COL4A3: variants seen among roughly 807,000 people sequenced by gnomAD.
The protein encoded by COL4A3 is collagen type IV alpha 3 chain.
A neutral mutation model predicts 217.4 loss-of-function variants in COL4A3; 135 were observed. The observed-to-expected ratio is 0.62, with a 90% confidence interval of 0.54 to 0.72. The LOEUF is 0.72. COL4A3 is among the 30% of genes least tolerant of loss of function. The probability of loss-of-function intolerance (pLI) is 0.00; values close to 1 mark genes in which losing one functional copy is unlikely to be tolerated. For synonymous variants in COL4A3, 690 were observed against 736.3 expected (o/e 0.94, Z 1.02); for missense variants, 1,868 against 2,119.9 (o/e 0.88, Z 2.33).
chr2:227,264,045 G>A (rs2070748997), intron 21 of COL4A3, 101 bp downstream of exon 21: 2 of 1,414,114 alleles, frequency 1.4e-6, no homozygotes, highest in Non-Finnish European at 2.0e-6. Flanking sequence ...CCATCAGTCT[G>A]TGTGGTTTTT....
In COL4A3 at chr2:227,254,674, T is replaced by C. The variant is rs1216183431; in HGVS notation, c.847T>C (p.Tyr283His). The part of the protein sequence containing the change: ...PGPSGLPGES[Y>H]GSEKGAPGDP... ...AATACAGGGACTGCCTGGAGAATCA[T>C]ATGGATCTGAAAAGGGTGCTCCTGG... is the stretch of plus-strand genomic sequence containing the variant. Residue 283 changes from tyrosine to histidine, a missense_variant, in exon 15 of 52, where the codon TAT becomes CAT. Around this residue, in one of 2 missense-constraint regions of COL4A3, gnomAD observed 1,503 missense variants for 1,786.1 expected, o/e 0.84. Transcript: ENST00000396578. The C allele has an allele frequency of 4.3e-6, 7 of 1,613,138 alleles. No homozygotes were observed. The highest frequency in any genetic ancestry group is 1.1e-5 in the South Asian group (1 of 91,062).
intron 1 of COL4A3, among the ~76,000 whole-genome samples, chr2:227,230,782 A>G (rs940158800): frequency 1.3e-5 from 2 of 152,244 alleles, no homozygotes; most frequent in African/African-American, 4.8e-5. Flanking sequence ...GTCTTGAGCT[A>G]CTGTCATCAC....
At chr2:227,171,515 C>A (rs1225492560) in intron 1 of COL4A3, among the ~76,000 whole-genome samples, 1 of 152,040 alleles carries the variant, frequency 6.6e-6, no homozygotes, top group Non-Finnish European at 1.5e-5. Flanking sequence ...TCCACATGTG[C>A]GTTGTTTTCT....
At chr2:227,243,886 A>C (rs529720775) in intron 3 of COL4A3, among the ~76,000 whole-genome samples, 3 of 152,334 alleles carry the variant, frequency 2.0e-5, no homozygotes, top group African/African-American at 7.2e-5. Context: ...TGGCATTCTC[A>C]TCCACAACTG....
intron 1 of COL4A3, among the ~76,000 whole-genome samples, chr2:227,180,215 C>G (rs1403982790): frequency 6.6e-6 from 1 of 152,256 alleles, no homozygotes; most frequent in East Asian, 1.9e-4. Context: ...CAATCCTTTC[C>G]AAAAAGCAAT....
At chr2:227,226,870 G>A (rs766667245) in intron 1 of COL4A3, among the ~76,000 whole-genome samples, 20 of 152,202 alleles carry the variant, frequency 1.3e-4, no homozygotes, top group African/African-American at 3.1e-4. Context: ...AAAGAGCCAC[G>A]TAGTAAATAT....
chr2:227,312,140 C>A lies in COL4A3; in HGVS notation c.*270C>A. On this transcript the variant is annotated 3_prime_UTR_variant, in exon 52 of 52. Coordinates refer to ENST00000396578, the MANE Select transcript of COL4A3 (RefSeq NM_000091.5). The stretch of plus-strand genomic sequence containing the variant: ...ACCAAAAACCTATTCCACTTACATC[C>A]AAGGCACTGTCACTACGGTGATTGT... The A allele has an allele frequency of 2.2e-6, 1 of 444,538 alleles. No individual in the cohort carries two copies. Among genetic ancestry groups the A allele is most frequent in the Non-Finnish European group, 4.1e-6 (1 of 241,452 alleles). 27.5% of individuals were successfully genotyped at this position (444,538 alleles called of 1,614,324 possible).
chr2:227,310,418 G>T (rs1354837587), intron 50 of COL4A3, among the ~76,000 whole-genome samples: 1 of 152,212 alleles, frequency 6.6e-6, no homozygotes, highest in African/African-American at 2.4e-5. Flanking sequence ...CAGGGTTCAA[G>T]CAATTCTCTT....
At chr2:227,294,906 A>C in intron 39 of COL4A3, 58 bp from the exon 40 acceptor site, 6 of 1,368,004 alleles carry the variant, frequency 4.4e-6, no homozygotes, top group Non-Finnish European at 6.2e-6. Context: ...GGCAAGAAAT[A>C]AATCCTCTTT....
rs2072063048 is a variant in COL4A3 at position 227,282,751 on chromosome 2, C to T, written c.2656+219C>T. Among the ~76,000 whole-genome samples the T allele has an allele frequency of 6.6e-6, 1 of 152,086 alleles. No individual in the cohort carries two copies. Among genetic ancestry groups the T allele is most frequent in the African/African-American group, 2.4e-5 (1 of 41,416 alleles). ...ATGTGGCTATTTTTGCTGTGTAATC[C>T]TTTTTATATACGACTACTATAATAT... On this transcript the variant is annotated intron_variant, in intron 32 of 51. Transcript: ENST00000396578. This position sits in a 1 kb window ranked among gnomAD's most constrained non-coding sequence, Gnocchi z 4.4.
intron 1 of COL4A3, among the ~76,000 whole-genome samples, chr2:227,171,068 T>G (rs952612280): frequency 6.6e-6 from 1 of 152,200 alleles, no homozygotes; most frequent in African/African-American, 2.4e-5. Context: ...AATTAACAAA[T>G]GTAGCATTTA....
intron 1 of COL4A3, among the ~76,000 whole-genome samples, chr2:227,179,493 A>T (rs994533455): frequency 1.3e-5 from 2 of 152,224 alleles, no homozygotes; most frequent in African/African-American, 4.8e-5. Flanking sequence ...AACTCCTTGA[A>T]GAAGTTTTCA....
chr2:227,218,076 ATAGC>A (rs1427799869), intron 1 of COL4A3, among the ~76,000 whole-genome samples: 791 of 49,942 alleles, frequency 0.016, 5 homozygotes, highest in East Asian at 0.13. Flanking sequence ...AACTATATAT[ATAGC>A]TATATATATA....
At chr2:227,267,915 C>T (rs1396032689) in intron 23 of COL4A3, among the ~76,000 whole-genome samples, 3 of 152,172 alleles carry the variant, frequency 2.0e-5, no homozygotes, top group East Asian at 1.9e-4. Context: ...CGGTTACTCC[C>T]GGCTGTCACC....
rs768505729 is a variant in COL4A3 at position 227,244,939 on chromosome 2, CTA to C, written c.280-10_280-9del. The C allele has an allele frequency of 9.9e-6, 16 of 1,611,644 alleles. No homozygotes were observed. In the African/African-American group the frequency reaches 1.7e-4, roughly 18 times the overall value. On this transcript the variant is annotated splice_polypyrimidine_tract_variant and intron_variant, in intron 4 of 51. Transcript: ENST00000396578. ...TTTTTTTGCCACCCCCTCCTTTTTCCTATGTCTTCAGGGAATAAGTGGATTGC... is the reference window on the plus strand; with the variant it reads ...TTTTTTTGCCACCCCCTCCTTTTTCCTGTCTTCAGGGAATAAGTGGATTGC...
At chr2:227,197,255 C>T (rs11690969) in intron 1 of COL4A3, among the ~76,000 whole-genome samples, 13,726 of 152,054 alleles carry the variant, frequency 0.09, 852 homozygotes, top group Admixed American at 0.14. Flanking sequence ...CTCGCTCTGT[C>T]GCCCAGGTTG....
chr2:227,191,071 T>C lies in COL4A3; in HGVS notation c.87+26258T>C, dbSNP rs1032142272. Among the ~76,000 whole-genome samples the C allele has an allele frequency of 1.8e-4, 27 of 152,344 alleles. No individual in the cohort carries two copies. Among genetic ancestry groups the C allele is most frequent in the East Asian group, 7.7e-4 (4 of 5,192 alleles). ...AAAGGTTATTATATATGAAATTTTA[T>C]GTCTTTTTTCTCTTAAAAATAGACT... On this transcript the variant is annotated intron_variant, in intron 1 of 51. Transcript: ENST00000396578. This position sits in a 1 kb window ranked among gnomAD's most constrained non-coding sequence, Gnocchi z 6.8.
chr2:227,245,920 T>A, intron 5 of COL4A3, 34 bp from the exon 6 acceptor site: 1 of 1,569,092 alleles, frequency 6.4e-7, no homozygotes, highest in Non-Finnish European at 8.8e-7. Flanking sequence ...TTTCTTGGGA[T>A]GACCCTCCTC....
chr2:227,276,589 A>G (rs754004135), intron 27 of COL4A3, 112 bp downstream of exon 27: 256 of 817,412 alleles, frequency 3.1e-4, no homozygotes, highest in Non-Finnish European at 4.8e-4. Flanking sequence ...CATTGGCTCC[A>G]AAAGAGAGCA....
Sources: gnomAD v4.1 joint callset for allele counts (sites outside exome capture counted in the v4.1 genomes callset) on GRCh38, gnomAD v4.1.1 for gene constraint, gnomAD v4.1.1 regional missense constraint, Gnocchi (gnomAD v3.1) non-coding constraint, MANE v1.5 for transcripts, NCBI Gene and HGNC (gene_info 2026-07-23, HGNC 2026-07-21) for gene names.